Variants in CCPG1 observed in about 807,000 individuals in gnomAD.
The protein encoded by CCPG1 is cell cycle progression 1.
CCPG1 carries 46 observed loss-of-function variants against 81.3 expected under a neutral mutation model. The observed-to-expected ratio is 0.57, with a 90% CI of 0.45 to 0.72. The LOEUF (loss-of-function observed/expected upper bound fraction) is 0.72, where lower values mean the gene tolerates loss of function less well. Ranked by LOEUF, CCPG1 falls within the 30% of genes least tolerant of loss-of-function variation. The pLI is 0.00. For synonymous variants in CCPG1, 330 were observed against 305.2 expected, an observed-to-expected ratio of 1.08 and a Z score of -0.85; for missense variants, 902 against 937.6, an observed-to-expected ratio of 0.96 and a Z score of 0.50.
At chr15:55,357,306 AAT>A (rs2056100664) in intron 8 of CCPG1, 8 of 984,250 alleles carry the variant, frequency 8.1e-6, no homozygotes, top group East Asian at 2.3e-4. Flanking sequence ...AAGAAATATC[AAT>A]GTTACTATTT....
intron 3 of CCPG1, among the ~76,000 whole-genome samples, chr15:55,385,056 A>C (rs2056772775): frequency 6.6e-6 from 1 of 152,246 alleles, no homozygotes; most frequent in African/African-American, 2.4e-5. Context: ...CCTCTGTAGC[A>C]ACAAAGTGTA....
rs566041372 is a variant in CCPG1 at position 55,365,640 on chromosome 15, C to T, written c.707-331G>A. 1.5e-3 allele frequency among the ~76,000 whole-genome samples: 222 copies of T among 151,552 alleles called. 2 individuals are homozygous for T. The highest frequency in any genetic ancestry group is 5.2e-3 in the African/African-American group (214 of 41,416). On this transcript the variant is annotated intron_variant, in intron 6 of 8. Coordinates refer to ENST00000442196, the MANE Select transcript of CCPG1 (RefSeq NM_001204450.2). ...GTTGGCCAGGCTGGTCTCAAACTCC[C>T]GGCCTCAAGTGATCCACCCACCTTG...
intron 2 of CCPG1, among the ~76,000 whole-genome samples, chr15:55,386,970 G>A (rs1189689682): frequency 6.6e-6 from 1 of 152,142 alleles, no homozygotes; most frequent in Non-Finnish European, 1.5e-5. Flanking sequence ...AAGACTCCGA[G>A]GTTGTCTATA....
chr15:55,389,806 G>A (rs1300268633), intron 1 of CCPG1, among the ~76,000 whole-genome samples: 2 of 152,246 alleles, frequency 1.3e-5, no homozygotes, highest in Non-Finnish European at 2.9e-5. Flanking sequence ...ACAGTAAGGT[G>A]TGAAAAACAT....
chr15:55,400,894 A>G (rs16976316), intron 1 of CCPG1, among the ~76,000 whole-genome samples: 195 of 152,332 alleles, frequency 1.3e-3, no homozygotes, highest in African/African-American at 4.5e-3. Flanking sequence ...TGGGTCATGA[A>G]TTAATGTTCT....
chr15:55,396,977 G>A (rs1200062921), intron 1 of CCPG1, among the ~76,000 whole-genome samples: 2 of 152,036 alleles, frequency 1.3e-5, no homozygotes, highest in African/African-American at 4.8e-5. Flanking sequence ...CGAGGTGGGC[G>A]GATCACGAGG....
intron 1 of CCPG1, among the ~76,000 whole-genome samples, chr15:55,407,045 C>CCCGCCG (rs1555411248): frequency 7.5e-6 from 1 of 133,620 alleles, no homozygotes; most frequent in African/African-American, 3.5e-5. Flanking sequence ...AGACCCCCCC[C>CCCGCCG]CCCGCCCCGC....
At chr15:55,382,762 G>A (rs2056727118) in intron 3 of CCPG1, among the ~76,000 whole-genome samples, 1 of 152,024 alleles carries the variant, frequency 6.6e-6, no homozygotes, top group African/African-American at 2.4e-5. Context: ...GCCCACCTCA[G>A]CCTCCCAAAG....
chr15:55,392,487 G>T (rs2056941008), intron 1 of CCPG1, among the ~76,000 whole-genome samples: 1 of 151,396 alleles, frequency 6.6e-6, no homozygotes, highest in South Asian at 2.1e-4. Flanking sequence ...AAAGTGCTGG[G>T]ATTACAAGCA....
chr15:55,381,296 T>C (rs571715089), intron 3 of CCPG1, among the ~76,000 whole-genome samples: 4 of 135,300 alleles, frequency 3.0e-5, no homozygotes, highest in Admixed American at 1.5e-4. Flanking sequence ...AAAAAAAAAA[T>C]AGCTGGGCAT....
intron 2 of CCPG1, among the ~76,000 whole-genome samples, chr15:55,386,193 C>CAAAAAAA (rs34646724): frequency 9.6e-6 from 1 of 103,864 alleles, no homozygotes. Flanking sequence ...AATTCCGTCT[C>CAAAAAAA]AAAAAAAAAA....
chr15:55,390,769 A>C (rs2056898429), intron 1 of CCPG1, among the ~76,000 whole-genome samples: 1 of 121,336 alleles, frequency 8.2e-6, no homozygotes, highest in Admixed American at 7.7e-5. Flanking sequence ...GAGAGGATAC[A>C]AAAAGGTTGG....
intron 2 of CCPG1, among the ~76,000 whole-genome samples, chr15:55,387,459 A>G (rs2056822863): frequency 6.6e-6 from 1 of 152,250 alleles, no homozygotes; most frequent in Non-Finnish European, 1.5e-5. Flanking sequence ...TAATGCAGAA[A>G]AGGCAATCTT....
In CCPG1 at chr15:55,372,878, C is replaced by A. The variant is rs112498125; in HGVS notation, c.455-834G>T. 1.4e-5 allele frequency: 7 copies of A among 503,564 alleles called. 2 individuals are homozygous for A. Among genetic ancestry groups the A allele is most frequent in the African/African-American group, 1.2e-4 (6 of 50,610 alleles). 31.2% of individuals were successfully genotyped at this position (503,564 alleles called of 1,614,324 possible). The stretch of plus-strand genomic sequence containing the variant: ...ATCTGGTCTCTAGTTTCATTTCCAA[C>A]CTAATTAGCCCATGATCAAGGTTCA... On this transcript the variant is annotated intron_variant, in intron 5 of 8. Transcript: ENST00000442196.
intron 1 of CCPG1, among the ~76,000 whole-genome samples, chr15:55,406,415 A>C (rs941304719): frequency 1.7e-5 from 2 of 114,302 alleles, no homozygotes. Flanking sequence ...AATATCCTTT[A>C]TTTCTTTTCT....
intron 1 of CCPG1, 135 bp from the exon 2 acceptor site, chr15:55,389,568 A>T (rs1687197803): frequency 1.5e-6 from 1 of 673,574 alleles, no homozygotes; most frequent in South Asian, 1.7e-5. Context: ...CCATAGATTT[A>T]CCATACAGAA....
At chr15:55,362,484 G>A (rs190747315) in intron 7 of CCPG1, among the ~76,000 whole-genome samples, 18 of 152,278 alleles carry the variant, frequency 1.2e-4, no homozygotes, top group Non-Finnish European at 1.9e-4. Context: ...CATTTCATCT[G>A]CTCTACCTGT....
intron 1 of CCPG1, among the ~76,000 whole-genome samples, chr15:55,401,211 T>C (rs949573473): frequency 4.6e-5 from 7 of 152,214 alleles, no homozygotes; most frequent in African/African-American, 1.7e-4. Context: ...ATGCCACCTT[T>C]TGTCATATAA....
intron 7 of CCPG1, among the ~76,000 whole-genome samples, chr15:55,364,144 C>T (rs2056269938): frequency 6.6e-6 from 1 of 150,540 alleles, no homozygotes; most frequent in African/African-American, 2.4e-5. Context: ...TTTCTCTCTA[C>T]AACCTTCTTA....
Sources: allele counts gnomAD v4.1 joint callset (sites outside exome capture counted in the v4.1 genomes callset), GRCh38; gene constraint gnomAD v4.1.1; transcripts MANE v1.5; gene names NCBI Gene and HGNC (gene_info 2026-07-23, HGNC 2026-07-21).